The following CTIF variants were observed in gnomAD, a reference collection of about 807,000 sequenced individuals.
CTIF encodes the protein cap binding complex dependent translation initiation factor.
In CTIF, 21 loss-of-function variants were observed where a neutral mutation model predicts 66.0. That is an observed-to-expected ratio of 0.32 (90% CI 0.23 to 0.46). CTIF has a LOEUF of 0.46. Among genes scored for constraint, CTIF ranks in the 20% least tolerant of loss-of-function variants. CTIF has a pLI of 1.00. For synonymous variants in CTIF, 345 were observed against 326.4 expected, an observed-to-expected ratio of 1.06 and a Z score of -0.62; for missense variants, 739 against 812.7, an observed-to-expected ratio of 0.91 and a Z score of 1.10.
rs570661703 is a variant in CTIF, at chr18:48,795,784, T to C, written c.1372-21437T>C. 3.3e-5 allele frequency among the ~76,000 whole-genome samples: 5 copies of C among 152,338 alleles called. No homozygotes were observed. The South Asian group carries it at 1.0e-3, about 32-fold the overall frequency. On this transcript the variant is annotated intron_variant, in intron 9 of 11. Transcript: ENST00000256413. ...TTTCAGACTATTAGGGGAGGCCATCTCTCTTGAGGGAGGGTTTAGTGTAAG... is the reference window on the plus strand; with the variant it reads ...TTTCAGACTATTAGGGGAGGCCATCCCTCTTGAGGGAGGGTTTAGTGTAAG...
chr18:48,632,120 T>C (rs983888724), intron 2 of CTIF, among the ~76,000 whole-genome samples: 3 of 152,016 alleles, frequency 2.0e-5, no homozygotes, highest in Non-Finnish European at 4.4e-5. Context: ...AACTTCGGAA[T>C]AGGGAAGGGA....
chr18:48,588,573 C>T (rs1200085192), intron 1 of CTIF, among the ~76,000 whole-genome samples: 10 of 152,218 alleles, frequency 6.6e-5, no homozygotes, highest in Admixed American at 4.6e-4. Flanking sequence ...TGGCATCCTG[C>T]CTCTCCTGAC....
intron 10 of CTIF, among the ~76,000 whole-genome samples, chr18:48,837,394 G>A (rs770884631): frequency 2.6e-5 from 4 of 151,974 alleles, no homozygotes; most frequent in Non-Finnish European, 5.9e-5. Flanking sequence ...TGTCACATCC[G>A]GGGTTCAAAT....
intron 6 of CTIF, among the ~76,000 whole-genome samples, chr18:48,675,639 T>A (rs1219925266): frequency 1.3e-5 from 2 of 151,962 alleles, no homozygotes; most frequent in South Asian, 2.1e-4. Flanking sequence ...CACACTAAGG[T>A]GTAGGGAAGC....
rs1032163056 is a variant in CTIF at position 48,785,882 on chromosome 18, C to T, written c.1371+24193C>T. ...CGCATCAACATTGTTTAAAGCTTCC[C>T]GAGTGAGCCCAACATGCAGCCACAG... On this transcript the variant is annotated intron_variant, in intron 9 of 11. Coordinates refer to ENST00000256413, the MANE Select transcript of CTIF (RefSeq NM_014772.3). Among the ~76,000 whole-genome samples the T allele has an allele frequency of 8.5e-5, 13 of 152,280 alleles. 1 individual carries two copies. Among genetic ancestry groups the T allele is most frequent in the African/African-American group, 3.1e-4 (13 of 41,550 alleles).
intron 10 of CTIF, among the ~76,000 whole-genome samples, chr18:48,831,854 G>A (rs908109524): frequency 1.3e-5 from 2 of 152,172 alleles, no homozygotes; most frequent in African/African-American, 4.8e-5. Context: ...TTGAAATCCA[G>A]TCTGTAGTTT....
At chr18:48,607,202 T>C (rs1335770811) in intron 1 of CTIF, among the ~76,000 whole-genome samples, 1 of 152,216 alleles carries the variant, frequency 6.6e-6, no homozygotes, top group African/African-American at 2.4e-5. Context: ...TGGAGGCCAC[T>C]CCAGGAATCA....
At chr18:48,736,832 G>A (rs1418696671) in intron 7 of CTIF, among the ~76,000 whole-genome samples, 14 of 152,112 alleles carry the variant, frequency 9.2e-5, no homozygotes, top group East Asian at 3.9e-4. Context: ...GGCCAGGCAC[G>A]GGGGCATGGC....
chr18:48,685,279 A>G (rs964254328), intron 6 of CTIF, among the ~76,000 whole-genome samples: 4 of 151,792 alleles, frequency 2.6e-5, no homozygotes, highest in African/African-American at 7.3e-5. Context: ...CTGGAGTGCA[A>G]TGGTGCGACC....
intron 7 of CTIF, among the ~76,000 whole-genome samples, chr18:48,727,070 GCACACACACACACACA>G (rs35188197): frequency 6.9e-6 from 1 of 144,488 alleles, no homozygotes; most frequent in African/African-American, 2.6e-5. Flanking sequence ...CAAGTTAGCT[GCACACACACACACACA>G]CACACACACA....
At chr18:48,552,781 C>T (rs2088915684) in intron 1 of CTIF, among the ~76,000 whole-genome samples, 1 of 152,218 alleles carries the variant, frequency 6.6e-6, no homozygotes, top group South Asian at 2.1e-4. Context: ...ACCAGTTTTG[C>T]TCAAGCTTTG....
intron 5 of CTIF, 173 bp from the exon 6 acceptor site, chr18:48,670,492 CCCCA>C: frequency 2.7e-5 from 15 of 557,696 alleles, no homozygotes; most frequent in East Asian, 9.3e-5. Context: ...AGGACCCCCC[CCCCA>C]CACACACACA....
chr18:48,781,251 C>T (rs563388282), intron 9 of CTIF, among the ~76,000 whole-genome samples: 271 of 152,336 alleles, frequency 1.8e-3, no homozygotes, highest in Non-Finnish European at 3.0e-3. Flanking sequence ...CAGACAAAGC[C>T]GTGCGCCGCA....
At chr18:48,726,726 G>A (rs917645916) in intron 7 of CTIF, among the ~76,000 whole-genome samples, 1 of 152,084 alleles carries the variant, frequency 6.6e-6, no homozygotes, top group African/African-American at 2.4e-5. Flanking sequence ...GAAGTGACAT[G>A]CCATATTCTA....
intron 9 of CTIF, among the ~76,000 whole-genome samples, chr18:48,814,820 C>T (rs1191440353): frequency 2.0e-5 from 3 of 152,186 alleles, no homozygotes; most frequent in Non-Finnish European, 2.9e-5. Context: ...GCACTACTTG[C>T]GGGGTCCCTG....
chr18:48,578,430 A>G (rs1484462771), intron 1 of CTIF, among the ~76,000 whole-genome samples: 1 of 152,208 alleles, frequency 6.6e-6, no homozygotes, highest in African/African-American at 2.4e-5. Context: ...GCACCACTTT[A>G]CAATCGCTTT....
chr18:48,701,986 G>A (rs1249678206), intron 6 of CTIF, among the ~76,000 whole-genome samples: 1 of 152,182 alleles, frequency 6.6e-6, no homozygotes, highest in Non-Finnish European at 1.5e-5. Context: ...AGAATTTGTT[G>A]GCTCATGAAA....
At chr18:48,541,726 C>G (rs1043246708) in intron 1 of CTIF, among the ~76,000 whole-genome samples, 1 of 152,150 alleles carries the variant, frequency 6.6e-6, no homozygotes, top group Admixed American at 6.5e-5. Context: ...TGCTCAGAGG[C>G]AGCAATTTTG....
intron 1 of CTIF, among the ~76,000 whole-genome samples, chr18:48,612,930 G>A (rs2090334158): frequency 6.6e-6 from 1 of 152,182 alleles, no homozygotes; most frequent in South Asian, 2.1e-4. Context: ...AGAAGGGTGT[G>A]CTGCTGGAGT....
Sources: allele counts gnomAD v4.1 joint callset (sites outside exome capture counted in the v4.1 genomes callset), GRCh38; gene constraint gnomAD v4.1.1; transcripts MANE v1.5; gene names NCBI Gene and HGNC (gene_info 2026-07-23, HGNC 2026-07-21).